DMXL1: variants seen among roughly 807,000 people sequenced by gnomAD.
DMXL1 encodes the protein dmX-like protein 1.
DMXL1 carries 99 observed loss-of-function variants against 319.2 expected under a neutral mutation model. The observed-to-expected ratio is 0.31, with a 90% confidence interval of 0.26 to 0.37. The LOEUF (loss-of-function observed/expected upper bound fraction) is 0.37. DMXL1 is among the 10% of genes least tolerant of loss of function. DMXL1 has a pLI of 1.00. For synonymous variants in DMXL1, 1,385 were observed against 1,235.2 expected (o/e 1.12, Z -2.54); for missense variants, 3,745 against 3,595.6 (o/e 1.04, Z -1.06).
intron 39 of DMXL1, among the ~76,000 whole-genome samples, chr5:119,235,999 A>G (rs1037816121): frequency 6.6e-6 from 1 of 152,122 alleles, no homozygotes; most frequent in Non-Finnish European, 1.5e-5. Flanking sequence ...CTGGGAAAAT[A>G]TTATTAACAA....
At chr5:119,208,065 A>G (rs1165197059) in intron 34 of DMXL1, among the ~76,000 whole-genome samples, 1 of 152,174 alleles carries the variant, frequency 6.6e-6, no homozygotes, top group Non-Finnish European at 1.5e-5. Context: ...CTTTTGCAAA[A>G]TAAGTCTGTA....
rs773314492 is a variant in DMXL1 at position 119,146,857 on chromosome 5, T to G, written c.2590T>G (p.Ser864Ala). ...AACAGGCAGCTCACCTAATGGATTTTCTGAGAAGTTCTACCTAATTGTAAT... is the reference window on the plus strand; with the variant it reads ...AACAGGCAGCTCACCTAATGGATTTGCTGAGAAGTTCTACCTAATTGTAAT... ...SNAGSSPNGFSEKFYLIVIEC... is the reference protein window; with the variant it reads ...SNAGSSPNGFAEKFYLIVIEC... Residue 864 changes from serine (S) to alanine (A), a missense_variant, in exon 16 of 44, where the codon TCT becomes GCT. Coordinates refer to ENST00000539542, the MANE Select transcript of DMXL1 (RefSeq NM_001290321.3). The G allele has an allele frequency of 4.3e-6, 7 of 1,611,574 alleles. No homozygotes were observed. In the East Asian group the frequency reaches 6.7e-5, roughly 15 times the overall value.
chr5:119,205,238 A>G (rs1781543840), intron 33 of DMXL1, among the ~76,000 whole-genome samples: 1 of 152,152 alleles, frequency 6.6e-6, no homozygotes, highest in African/African-American at 2.4e-5. Context: ...TGGGAAATGA[A>G]GTAGTTCTGA....
chr5:119,192,077 C>CT (rs1392697082), intron 29 of DMXL1, among the ~76,000 whole-genome samples: 3 of 152,108 alleles, frequency 2.0e-5, no homozygotes, highest in Non-Finnish European at 4.4e-5. Flanking sequence ...GTTTTCCAAC[C>CT]TTTTTTTCAA....
chr5:119,071,075 C>T (rs568053117), upstream of DMXL1: 1 of 161,140 alleles, frequency 6.2e-6, no homozygotes, highest in East Asian at 1.9e-4. Flanking sequence ...GATATTTCGG[C>T]CGCAGGGATC....
At chr5:119,119,464 A>T (rs1327640671) in intron 8 of DMXL1, among the ~76,000 whole-genome samples, 1 of 152,208 alleles carries the variant, frequency 6.6e-6, no homozygotes, top group Non-Finnish European at 1.5e-5. Flanking sequence ...CTAAAGGTAG[A>T]ATAGTAATAC....
At position 119,178,063 on chromosome 5, in the gene DMXL1, G is replaced by T. The variant is rs762708358; in HGVS notation, c.6954G>T (p.Leu2318Phe). ...AAGCCCAGTCAGGGCTTACAGTCTTGCTCTGTGAGATTCTCACAGCAGTGT... is the reference window on the plus strand; with the variant it reads ...AAGCCCAGTCAGGGCTTACAGTCTTTCTCTGTGAGATTCTCACAGCAGTGT... The part of the protein sequence containing the change: ...GEEAQSGLTV[L>F]LCEILTAVYL... Residue 2318 changes from leucine (L) to phenylalanine (F), a missense_variant, in exon 28 of 44, where the codon TTG becomes TTT. Leu to Phe is a conservative substitution (Grantham distance 22, BLOSUM62 0). Coordinates refer to ENST00000539542, the MANE Select transcript of DMXL1 (RefSeq NM_001290321.3). 9 of 1,613,692 alleles carry T rather than the reference G, an allele frequency of 5.6e-6. No homozygotes were observed. In the African/African-American group the frequency reaches 1.1e-4, roughly 19 times the overall value.
At chr5:119,142,793 C>T (rs1767704675) in intron 13 of DMXL1, among the ~76,000 whole-genome samples, 2 of 152,020 alleles carry the variant, frequency 1.3e-5, no homozygotes, top group South Asian at 4.1e-4. Flanking sequence ...ACCCAAATGC[C>T]CATGAGTGAC....
chr5:119,147,144 C>T, intron 16 of DMXL1, 105 bp from the exon 17 acceptor site: 2 of 1,134,290 alleles, frequency 1.8e-6, no homozygotes, highest in Middle Eastern at 2.5e-4. Flanking sequence ...AATATGTTTA[C>T]TATTTTATCT....
In DMXL1 at chr5:119,150,115, A is replaced by G; in HGVS notation, c.4288A>G (p.Ser1430Gly). Residue 1430 changes from serine to glycine, a missense_variant, in exon 18 of 44, where the codon AGT becomes GGT. Ser to Gly is a moderately conservative substitution (Grantham distance 56). Coordinates refer to ENST00000539542, the MANE Select transcript of DMXL1 (RefSeq NM_001290321.3). ...YSSLEKSSNE[S>G]TLSKSNQLSK... The stretch of plus-strand genomic sequence containing the variant: ...ATCTTTGGAGAAATCTAGTAATGAG[A>G]GTACGTTAAGTAAATCAAACCAATT... 1.2e-6 allele frequency: 2 copies of G among 1,613,758 alleles called. No homozygotes were observed. Among genetic ancestry groups the G allele is most frequent in the Non-Finnish European group, 1.7e-6 (2 of 1,179,854 alleles).
At chr5:119,126,486 G>C (rs1478420341) in intron 9 of DMXL1, among the ~76,000 whole-genome samples, 1 of 151,986 alleles carries the variant, frequency 6.6e-6, no homozygotes, top group Non-Finnish European at 1.5e-5. Flanking sequence ...ATATTCTCTT[G>C]CATTAAATTG....
chr5:119,214,572 T>C (rs1381334660), intron 34 of DMXL1, among the ~76,000 whole-genome samples: 1 of 152,162 alleles, frequency 6.6e-6, no homozygotes, highest in Non-Finnish European at 1.5e-5. Context: ...CCACTTATGG[T>C]CATTCACAAA....
chr5:119,232,391 C>G (rs944444407), intron 38 of DMXL1, among the ~76,000 whole-genome samples: 3 of 152,116 alleles, frequency 2.0e-5, no homozygotes, highest in Admixed American at 2.0e-4. Flanking sequence ...TGATATGTGA[C>G]TAGCAAGTGC....
chr5:119,132,643 C>G, intron 10 of DMXL1: 1 of 389,862 alleles, frequency 2.6e-6, no homozygotes, highest in Non-Finnish European at 5.0e-6. Flanking sequence ...CGCCACTGTA[C>G]TCCAGCTGGG....
intron 10 of DMXL1, among the ~76,000 whole-genome samples, chr5:119,131,728 G>A (rs765455465): frequency 6.6e-6 from 1 of 152,162 alleles, no homozygotes; most frequent in Non-Finnish European, 1.5e-5. Flanking sequence ...TCTTCTACCA[G>A]TAATCCACTG....
At chr5:119,137,622 A>G (rs1472741190) in intron 13 of DMXL1, among the ~76,000 whole-genome samples, 1 of 152,208 alleles carries the variant, frequency 6.6e-6, no homozygotes, top group South Asian at 2.1e-4. Flanking sequence ...TGCTGTTTGC[A>G]TTATAGTGAG....
chr5:119,154,746 A>G (rs1770626205), intron 19 of DMXL1: 1 of 153,246 alleles, frequency 6.5e-6, no homozygotes, highest in Non-Finnish European at 1.5e-5. Flanking sequence ...GCTACACAAA[A>G]GGACAGATTT....
At chr5:119,075,952 A>G (rs1164941744) in intron 1 of DMXL1, among the ~76,000 whole-genome samples, 3 of 152,232 alleles carry the variant, frequency 2.0e-5, no homozygotes, top group Non-Finnish European at 4.4e-5. Flanking sequence ...ATCTACATTT[A>G]TAGATTCTAC....
At chr5:119,090,147 A>T in intron 1 of DMXL1, among the ~76,000 whole-genome samples, 1 of 147,914 alleles carries the variant, frequency 6.8e-6, no homozygotes. Flanking sequence ...CAGCCTCCCG[A>T]GTAGCTGGGA....
Sources: gnomAD v4.1 joint callset for allele counts (sites outside exome capture counted in the v4.1 genomes callset) on GRCh38, gnomAD v4.1.1 for gene constraint, MANE v1.5 for transcripts, NCBI Gene and HGNC (gene_info 2026-07-23, HGNC 2026-07-21) for gene names.